SV2A: variants seen among roughly 807,000 people sequenced by gnomAD.
SV2A encodes synaptic vesicle glycoprotein 2A, also known as solute carrier family 22 member B1.
Under a neutral mutation model 78.0 loss-of-function variants are expected in SV2A, and 25 were observed. The observed-to-expected ratio is 0.32, with a 90% confidence interval of 0.23 to 0.45. The LOEUF (loss-of-function observed/expected upper bound fraction) is 0.45. Ranked by LOEUF, SV2A falls within the 20% of genes least tolerant of loss-of-function variation. The probability of loss-of-function intolerance (pLI) is 1.00; values close to 1 mark genes in which losing one functional copy is unlikely to be tolerated. For synonymous variants in SV2A, 355 were observed against 384.7 expected, an observed-to-expected ratio of 0.92 and a Z score of 0.90; for missense variants, 752 against 971.5, an observed-to-expected ratio of 0.77 and a Z score of 3.00.
Position 149,911,923 on chromosome 1 carries a change from T to C in SV2A, c.680A>G (p.Asp227Gly). 1 of 1,614,100 alleles carries C rather than the reference T, an allele frequency of 6.2e-7. No individual in the cohort carries two copies. Among genetic ancestry groups the C allele is most frequent in the Non-Finnish European group, 8.5e-7 (1 of 1,180,012 alleles). Residue 227 changes from aspartate (D) to glycine (G), a missense_variant, in exon 3 of 13, where the codon GAC becomes GGC. Asp to Gly is a moderately conservative substitution (Grantham distance 94). Around this residue, in one of 7 missense-constraint regions of SV2A, gnomAD observed 291 missense variants for 359.5 expected, o/e 0.81. Transcript: ENST00000369146. ...CAGACACTGCCTCCGACCCAGCCGG[T>C]CAGCCAGACCTCCCCAGAGGAAGGC... ...VGAFLWGGLA[D>G]RLGRRQCLLI...
chr1:149,916,692 C>A (rs587707289), intron 1 of SV2A, among the ~76,000 whole-genome samples: 1 of 152,268 alleles, frequency 6.6e-6, no homozygotes, highest in East Asian at 1.9e-4. Flanking sequence ...GCTCAGGTGA[C>A]AAGGTCATTA....
chr1:149,914,616 A>G (rs2092501325), intron 1 of SV2A, among the ~76,000 whole-genome samples: 1 of 152,222 alleles, frequency 6.6e-6, no homozygotes, highest in Non-Finnish European at 1.5e-5. Flanking sequence ...CTCTGATGGC[A>G]TCTGAAGGCA....
At chr1:149,911,559 G>A (rs1571505303) in intron 3 of SV2A, among the ~76,000 whole-genome samples, 1 of 152,326 alleles carries the variant, frequency 6.6e-6, no homozygotes, top group East Asian at 1.9e-4. Context: ...AATGGAACTA[G>A]AGGTGGGGTG....
In SV2A at chr1:149,906,862, G is replaced by A. The variant is rs368390786; in HGVS notation, c.1679-6C>T. The A allele has an allele frequency of 1.9e-6, 3 of 1,614,128 alleles. No individual in the cohort carries two copies. The highest frequency in any genetic ancestry group is 2.5e-6 in the Non-Finnish European group (3 of 1,180,004). ...AAACTTGTACTCGAACAGGTCTGTGGGCAAAGGCCAAGATAAGCAGGCAGT... is the reference window on the plus strand; with the variant it reads ...AAACTTGTACTCGAACAGGTCTGTGAGCAAAGGCCAAGATAAGCAGGCAGT... On this transcript the variant is annotated splice_polypyrimidine_tract_variant and splice_region_variant and intron_variant, in intron 10 of 12. Transcript: ENST00000369146.
chr1:149,915,890 A>AACACACACACACACAC (rs60828738), intron 1 of SV2A, among the ~76,000 whole-genome samples: 1 of 149,582 alleles, frequency 6.7e-6, no homozygotes, highest in Non-Finnish European at 1.5e-5. Flanking sequence ...CCTTCATTAA[A>AACACACACACACACAC]ACACACACAC....
rs1421165896 is a variant in SV2A at position 149,908,802 on chromosome 1, TA to T, written c.1379+389del. ...ACAGGCGCCCACCACCATGCCCGGC[TA>T]ATTTTTTGTATGTTAGTAGAGACGG... On this transcript the variant is annotated intron_variant, in intron 8 of 12. Transcript: ENST00000369146. Among the ~76,000 whole-genome samples, 189 of 152,290 alleles carry T rather than the reference TA, an allele frequency of 1.2e-3. 1 individual carries two copies. Among genetic ancestry groups the T allele is most frequent in the African/African-American group, 4.4e-3 (182 of 41,558 alleles).
At chr1:149,911,137 G>A (rs1249118790) in intron 3 of SV2A, among the ~76,000 whole-genome samples, 160 bp from the exon 4 acceptor site, 1 of 152,172 alleles carries the variant, frequency 6.6e-6, no homozygotes, top group Non-Finnish European at 1.5e-5. Flanking sequence ...CAGCCATCAA[G>A]CACCCATCCT....
At chr1:149,917,638 CCCATAAG>C (rs1441015312) in intron 1 of SV2A, 94 bp downstream of exon 1, 1 of 152,240 alleles carries the variant, frequency 6.6e-6, no homozygotes, top group African/African-American at 2.4e-5. Context: ...CGTCACCCTC[CCCATAAG>C]CAAAGCATCG....
In SV2A at chr1:149,903,988, G is replaced by T; in HGVS notation, c.*1026C>A. ...TTTTGATCTGCTGGTTTGACCAGAT[G>T]CCTGGTTTCTTTCCCTCCCCTGCTC... On this transcript the variant is annotated 3_prime_UTR_variant, in exon 13 of 13. Coordinates refer to ENST00000369146, the MANE Select transcript of SV2A (RefSeq NM_014849.5). The T allele has an allele frequency of 6.5e-6, 1 of 152,952 alleles. No individual in the cohort carries two copies. Among genetic ancestry groups the T allele is most frequent in the Non-Finnish European group, 1.5e-5 (1 of 68,176 alleles). The allele number at this position is 152,952 out of a possible 1,614,324, so 9.5% of individuals were successfully genotyped here.
intron 1 of SV2A, among the ~76,000 whole-genome samples, chr1:149,917,192 C>T (rs1013692168): frequency 1.7e-4 from 26 of 151,914 alleles, no homozygotes; most frequent in Non-Finnish European, 2.9e-4. Flanking sequence ...CATCCATGCC[C>T]CCAACACCTG....
rs782555366 is a variant in SV2A, at chr1:149,910,619, G to C, written c.1040C>G (p.Ala347Gly). 1.2e-6 allele frequency: 2 copies of C among 1,613,344 alleles called. No individual in the cohort carries two copies. Among genetic ancestry groups the C allele is most frequent in the South Asian group, 2.2e-5 (2 of 90,918 alleles). ...AGGCTGCGTGGTCAGAGCCCCAATG[G>C]CAAACACAGAAGGAAAGGCGCAGAC... is the stretch of plus-strand genomic sequence containing the variant. ...VLVCAFPSVF[A>G]IGALTTQPES... The change falls in exon 5 of 13, where the codon GCC becomes GGC. Residue 347 changes from alanine (A) to glycine (G), a missense_variant. By Grantham distance (60) the Ala-to-Gly change is moderately conservative. Transcript: ENST00000369146. The surrounding 1 kb of genome is among the most constrained non-coding windows in gnomAD (Gnocchi z 4.2).
At chr1:149,905,243 G>A in intron 12 of SV2A, 46 bp from the exon 13 acceptor site, 1 of 1,545,254 alleles carries the variant, frequency 6.5e-7, no homozygotes, top group Non-Finnish European at 8.8e-7. Flanking sequence ...GTACAGGAGG[G>A]AGGCAAAGGA....
rs2092468005 is a variant in SV2A, at chr1:149,910,392, C to T, written c.1089+178G>A. Among the ~76,000 whole-genome samples, 1 of 152,184 alleles carries T rather than the reference C, an allele frequency of 6.6e-6. No homozygotes were observed. On this transcript the variant is annotated intron_variant, in intron 5 of 12. Transcript: ENST00000369146. This position sits in a 1 kb window ranked among gnomAD's most constrained non-coding sequence, Gnocchi z 4.2. ...TCCACCCAAGAACCCCTCAGGGACA[C>T]ATTCCAAGGCAAAGAATGCAAGATA... is the stretch of plus-strand genomic sequence containing the variant.
At chr1:149,915,619 G>A (rs192362690) in intron 1 of SV2A, among the ~76,000 whole-genome samples, 3 of 152,142 alleles carry the variant, frequency 2.0e-5, no homozygotes, top group South Asian at 4.1e-4. Context: ...CATCCCTCCA[G>A]GGCCTCCCTT....
chr1:149,908,095 A>C lies in SV2A; in HGVS notation c.1491T>G (p.Phe497Leu). The C allele has an allele frequency of 6.2e-7, 1 of 1,614,192 alleles. No individual in the cohort carries two copies. Among genetic ancestry groups the C allele is most frequent in the Non-Finnish European group, 8.5e-7 (1 of 1,180,034 alleles). The change falls in exon 9 of 13, where the codon TTT (phenylalanine) becomes TTG (leucine). Residue 497 changes from phenylalanine (F) to leucine (L), a missense_variant. Transcript: ENST00000369146. ...FPGERVEHVTFNFTLENQIHR... is the reference protein window; with the variant it reads ...FPGERVEHVTLNFTLENQIHR... ...GGATCTGATTCTCCAACGTGAAGTT[A>C]AAAGTTACATGCTCTACGCGCTCCC...
In SV2A at chr1:149,913,191, G is replaced by A. The variant is rs201686803; in HGVS notation, c.622+28C>T. 2.5e-3 allele frequency: 3,980 copies of A among 1,604,408 alleles called. 14 individuals are homozygous for A. Among genetic ancestry groups the A allele is most frequent in the Middle Eastern group, 0.014 (83 of 6,026 alleles). On this transcript the variant is annotated intron_variant, in intron 2 of 12. Coordinates refer to ENST00000369146, the MANE Select transcript of SV2A (RefSeq NM_014849.5). The stretch of plus-strand genomic sequence containing the variant: ...CAAGGAGGTTTCCAGAGTTTGAGGG[G>A]ATAAGGCTGGAGCCCCCCATGTCTT...
chr1:149,909,966 C>T, intron 5 of SV2A, 76 bp from the exon 6 acceptor site: 1 of 1,411,924 alleles, frequency 7.1e-7, no homozygotes, highest in Non-Finnish European at 9.9e-7. Context: ...CTCCCTCCCA[C>T]CTGGCTTCTG....
rs1553764037 is a variant in SV2A at position 149,913,328 on chromosome 1, C to G, written c.513G>C (p.Val171=). ...HGRFQWTLYF[V]LGLALMADGV... ...CGTCAGCCATCAGCGCCAGACCAAGCACAAAATACAGTGTCCACTGGAAGC... is the reference window on the plus strand; with the variant it reads ...CGTCAGCCATCAGCGCCAGACCAAGGACAAAATACAGTGTCCACTGGAAGC... Residue 171 remains valine, a synonymous_variant, in exon 2 of 13, where the codon GTG becomes GTC. Coordinates refer to ENST00000369146, the MANE Select transcript of SV2A (RefSeq NM_014849.5). 6.2e-7 allele frequency: 1 copy of G among 1,614,186 alleles called. No individual in the cohort carries two copies. The highest frequency in any genetic ancestry group is 8.5e-7 in the Non-Finnish European group (1 of 1,180,028).
rs1553762335 is a variant in SV2A, at chr1:149,904,332, T to C, written c.*682A>G. The C allele has an allele frequency of 6.5e-6, 1 of 152,788 alleles. No homozygotes were observed. Among genetic ancestry groups the C allele is most frequent in the Non-Finnish European group, 1.5e-5 (1 of 68,166 alleles). The allele number at this position is 152,788 out of a possible 1,614,324, so 9.5% of individuals were successfully genotyped here. A position where few individuals can be genotyped will look rare whatever the true frequency, so the allele number is the denominator to read the frequency against. ...CAGTATAGTGATACCCCCCGCCCCA[T>C]GGCACATGCACACACATATGTAAGT... is the stretch of plus-strand genomic sequence containing the variant. On this transcript the variant is annotated 3_prime_UTR_variant, in exon 13 of 13. Transcript: ENST00000369146.
Sources: allele counts gnomAD v4.1 joint callset (sites outside exome capture counted in the v4.1 genomes callset), GRCh38; gene constraint gnomAD v4.1.1; regional missense constraint gnomAD v4.1.1; non-coding constraint Gnocchi (gnomAD v3.1); transcripts MANE v1.5; gene names NCBI Gene and HGNC (gene_info 2026-07-23, HGNC 2026-07-21).